The following WBP2NL variants were observed in gnomAD, a reference collection of about 807,000 sequenced individuals.
WBP2NL encodes WBP2 N-terminal like, also known as postacrosomal sheath WW domain-binding protein.
Under a neutral mutation model 23.3 loss-of-function variants are expected in WBP2NL, and 27 were observed. That is an observed-to-expected ratio of 1.16 (90% CI 0.85 to 1.60). The LOEUF is 1.60. Among genes scored for constraint, WBP2NL ranks in the 40% most tolerant of loss-of-function variants. The probability of loss-of-function intolerance (pLI) is 0.00; values close to 1 mark genes in which losing one functional copy is unlikely to be tolerated. For synonymous variants in WBP2NL, 151 were observed against 145.9 expected, an observed-to-expected ratio of 1.03 and a Z score of -0.25; for missense variants, 370 against 389.5, an observed-to-expected ratio of 0.95 and a Z score of 0.42.
chr22:42,052,999 C>T (rs913190009), intron 8 of WBP2NL, among the ~76,000 whole-genome samples: 1 of 152,226 alleles, frequency 6.6e-6, no homozygotes, highest in African/African-American at 2.4e-5. Flanking sequence ...CTTCTCATTT[C>T]CTCTTCCCTC....
chr22:42,000,173 G>A (rs944479220), intron 1 of WBP2NL, among the ~76,000 whole-genome samples: 2 of 152,220 alleles, frequency 1.3e-5, no homozygotes, highest in African/African-American at 2.4e-5. Context: ...TTGTCAGGAA[G>A]ATCGAAGTAG....
At chr22:42,037,459 AT>A (rs34867137), downstream of WBP2NL, among the ~76,000 whole-genome samples, 127 of 149,898 alleles carry the variant, frequency 8.5e-4, no homozygotes, top group Middle Eastern at 3.4e-3. Flanking sequence ...GAATTTTAGG[AT>A]TTTTTTTTTC....
At chr22:42,044,468 A>G (rs1399566559) in intron 8 of WBP2NL, among the ~76,000 whole-genome samples, 1 of 152,220 alleles carries the variant, frequency 6.6e-6, no homozygotes, top group Non-Finnish European at 1.5e-5. Context: ...AATAGAGAAA[A>G]TCAACAAAAC....
chr22:42,018,446 A>G (rs1019811674), intron 1 of WBP2NL, among the ~76,000 whole-genome samples: 1 of 151,392 alleles, frequency 6.6e-6, no homozygotes, highest in Admixed American at 6.6e-5. Flanking sequence ...GAAAGAAGTG[A>G]GGGAAGGAGG....
intron 8 of WBP2NL, among the ~76,000 whole-genome samples, chr22:42,054,799 G>C (rs181360615): frequency 1.4e-3 from 207 of 152,136 alleles, no homozygotes; most frequent in Non-Finnish European, 1.9e-4. Flanking sequence ...CAAGGTGGGA[G>C]GTTCGCCTGA....
chr22:42,018,330 AGAC>A (rs1171413432), intron 1 of WBP2NL, among the ~76,000 whole-genome samples: 2 of 145,956 alleles, frequency 1.4e-5, no homozygotes, highest in Non-Finnish European at 3.0e-5. Context: ...AAAAAAAAAA[AGAC>A]AGAAGAAAGA....
chr22:42,038,558 G>A (rs772940419), intron 8 of WBP2NL, among the ~76,000 whole-genome samples: 17 of 152,122 alleles, frequency 1.1e-4, no homozygotes, highest in Non-Finnish European at 2.1e-4. Context: ...TGAATATTTG[G>A]TAGAATTAGC....
At chr22:42,026,163 T>TC in intron 5 of WBP2NL, among the ~76,000 whole-genome samples, 1 of 151,772 alleles carries the variant, frequency 6.6e-6, no homozygotes, top group East Asian at 1.9e-4. Flanking sequence ...TCCCAGCTAC[T>TC]CGGGAGGCTG....
At chr22:42,047,624 T>TAA (rs1569454782) in intron 8 of WBP2NL, among the ~76,000 whole-genome samples, 2 of 147,486 alleles carry the variant, frequency 1.4e-5, no homozygotes, top group African/African-American at 5.1e-5. Context: ...CAATCAAATT[T>TAA]TTTTTTTTTT....
chr22:42,038,267 A>AT (rs1925265660), intron 8 of WBP2NL, among the ~76,000 whole-genome samples: 1 of 151,902 alleles, frequency 6.6e-6, no homozygotes, highest in African/African-American at 2.4e-5. Context: ...TCTTATTGTG[A>AT]TTTACTACAT....
chr22:42,053,679 C>T (rs1249961530), intron 8 of WBP2NL, among the ~76,000 whole-genome samples: 1 of 151,922 alleles, frequency 6.6e-6, no homozygotes, highest in Admixed American at 6.6e-5. Flanking sequence ...AGGCTGGTCT[C>T]GAACTCCTGA....
At chr22:42,021,589 G>A (rs182952501) in intron 4 of WBP2NL, among the ~76,000 whole-genome samples, 10 of 152,110 alleles carry the variant, frequency 6.6e-5, no homozygotes, top group East Asian at 1.9e-4. Context: ...TGTTTTCTTC[G>A]GTACCACACT....
At chr22:42,035,569 A>T (rs1240339202), downstream of WBP2NL, among the ~76,000 whole-genome samples, 2 of 152,262 alleles carry the variant, frequency 1.3e-5, no homozygotes, top group Non-Finnish European at 2.9e-5. Flanking sequence ...CAGCTGCTCC[A>T]GATGGCCTGC....
intron 8 of WBP2NL, chr22:42,058,170 C>T (rs1019992136): frequency 6.6e-6 from 1 of 151,534 alleles, no homozygotes; most frequent in Non-Finnish European, 1.5e-5. Flanking sequence ...CCTACCTCAG[C>T]CTCCCAAAGT....
chr22:42,021,435 C>A (rs947228804), intron 4 of WBP2NL, among the ~76,000 whole-genome samples: 1 of 152,060 alleles, frequency 6.6e-6, no homozygotes, highest in African/African-American at 2.4e-5. Context: ...GTGACTGTTA[C>A]GTTATTTGTA....
At chr22:42,054,794 T>C (rs988143504) in intron 8 of WBP2NL, among the ~76,000 whole-genome samples, 4 of 151,094 alleles carry the variant, frequency 2.6e-5, no homozygotes, top group Non-Finnish European at 5.9e-5. Flanking sequence ...GAGGCCAAGG[T>C]GGGAGGTTCG....
intron 8 of WBP2NL, among the ~76,000 whole-genome samples, chr22:42,047,621 AT>A (rs570138140): frequency 0.031 from 4,088 of 132,978 alleles, 150 homozygotes; most frequent in African/African-American, 0.1. Context: ...AACCAATCAA[AT>A]TTTTTTTTTT....
At chr22:42,048,584 G>A (rs1013128208) in intron 8 of WBP2NL, among the ~76,000 whole-genome samples, 3 of 151,428 alleles carry the variant, frequency 2.0e-5, no homozygotes, top group Non-Finnish European at 4.4e-5. Context: ...GTGAAACCTT[G>A]TCTCTACTAA....
At chr22:42,008,761 C>T (rs1922532639) in intron 1 of WBP2NL, among the ~76,000 whole-genome samples, 1 of 152,036 alleles carries the variant, frequency 6.6e-6, no homozygotes, top group South Asian at 2.1e-4. Context: ...GTGCCCACCA[C>T]CACACCTGGC....
Sources: gnomAD v4.1 joint callset for allele counts (sites outside exome capture counted in the v4.1 genomes callset) on GRCh38, gnomAD v4.1.1 for gene constraint, MANE v1.5 for transcripts, NCBI Gene and HGNC (gene_info 2026-07-23, HGNC 2026-07-21) for gene names.